Variants in SLC24A3 observed in about 807,000 individuals in gnomAD.
SLC24A3 encodes the protein sodium/potassium/calcium exchanger 3.
Under a neutral mutation model 75.8 loss-of-function variants are expected in SLC24A3, and 28 were observed. The observed-to-expected ratio is 0.37, with a 90% CI of 0.27 to 0.51. The LOEUF (loss-of-function observed/expected upper bound fraction) is 0.51. Among genes scored for constraint, SLC24A3 ranks in the 20% least tolerant of loss-of-function variants. The probability of loss-of-function intolerance (pLI) is 0.94; values close to 1 mark genes in which losing one functional copy is unlikely to be tolerated. For missense variants in SLC24A3, 663 were observed against 847.8 expected (o/e 0.78, Z 2.71); for synonymous variants, 372 against 334.1 (o/e 1.11, Z -1.24).
intron 2 of SLC24A3, among the ~76,000 whole-genome samples, chr20:19,343,939 A>G (rs1985332591): frequency 6.6e-6 from 1 of 152,226 alleles, no homozygotes; most frequent in Non-Finnish European, 1.5e-5. Context: ...TTCTAAAGCC[A>G]TCGGGTGATA....
intron 1 of SLC24A3, among the ~76,000 whole-genome samples, chr20:19,262,705 G>T (rs990241548): frequency 1.5e-4 from 23 of 152,146 alleles, no homozygotes; most frequent in African/African-American, 5.6e-4. Flanking sequence ...TGGTGGAAGG[G>T]ATCTTGAGAA....
intron 3 of SLC24A3, among the ~76,000 whole-genome samples, chr20:19,555,017 A>G (rs1009473931): frequency 2.2e-4 from 33 of 152,206 alleles, no homozygotes; most frequent in Non-Finnish European, 4.4e-5. Flanking sequence ...GATTAAGCAG[A>G]TAGGTTTCCT....
At chr20:19,309,877 T>C (rs1380109652) in intron 2 of SLC24A3, among the ~76,000 whole-genome samples, 1 of 152,128 alleles carries the variant, frequency 6.6e-6, no homozygotes, top group Admixed American at 6.5e-5. Context: ...GGGCTTCCAG[T>C]CTGTGCTCCA....
At chr20:19,581,984 G>C (rs2031224480) in intron 4 of SLC24A3, among the ~76,000 whole-genome samples, 1 of 152,214 alleles carries the variant, frequency 6.6e-6, no homozygotes, top group African/African-American at 2.4e-5. Context: ...TATAACAAGA[G>C]TGGGTGCCCC....
intron 2 of SLC24A3, among the ~76,000 whole-genome samples, chr20:19,507,013 T>A (rs1195045815): frequency 6.6e-6 from 1 of 152,238 alleles, no homozygotes; most frequent in Non-Finnish European, 1.5e-5. Context: ...CTTGACCTCG[T>A]TGAATGTAAG....
chr20:19,382,830 A>G (rs1316170393), intron 2 of SLC24A3, among the ~76,000 whole-genome samples: 1 of 152,200 alleles, frequency 6.6e-6, no homozygotes, highest in Admixed American at 6.5e-5. Context: ...GCCAGGATAG[A>G]TGATGGGGCT....
intron 1 of SLC24A3, chr20:19,213,604 C>T (rs1226307746): frequency 6.6e-6 from 1 of 152,320 alleles, no homozygotes; most frequent in Non-Finnish European, 1.5e-5. Context: ...AATTCTTCCT[C>T]AGAGGTCCCT....
Position 19,684,165 on chromosome 20 carries a change from C to T in SLC24A3, c.902-11C>T, listed in dbSNP as rs748158506. ...CCATGTTATTTTACCTTATGTTTTT[C>T]GTTTCCCTAGCAAATTTCCACCGCA... On this transcript the variant is annotated splice_polypyrimidine_tract_variant and intron_variant, in intron 10 of 16. Coordinates refer to ENST00000328041, the MANE Select transcript of SLC24A3 (RefSeq NM_020689.4). 8.1e-6 allele frequency: 13 copies of T among 1,609,688 alleles called. No individual in the cohort carries two copies. Among genetic ancestry groups the T allele is most frequent in the African/African-American group, 2.7e-5 (2 of 74,886 alleles).
At chr20:19,268,384 T>G (rs1356556781) in intron 1 of SLC24A3, among the ~76,000 whole-genome samples, 3 of 152,214 alleles carry the variant, frequency 2.0e-5, no homozygotes, top group Non-Finnish European at 2.9e-5. Flanking sequence ...GTTATGTAGC[T>G]CATCCTCCAG....
intron 2 of SLC24A3, among the ~76,000 whole-genome samples, chr20:19,381,059 T>G (rs1051467217): frequency 1.3e-5 from 2 of 152,234 alleles, no homozygotes; most frequent in Non-Finnish European, 2.9e-5. Flanking sequence ...GTGTCCTGCA[T>G]AGATGGTAGC....
chr20:19,358,168 T>A (rs762093861), intron 2 of SLC24A3, among the ~76,000 whole-genome samples: 21 of 152,208 alleles, frequency 1.4e-4, no homozygotes, highest in Non-Finnish European at 1.9e-4. Context: ...TTTAGTATTT[T>A]CCTGTCAAAA....
rs190251916 is a variant in SLC24A3, at chr20:19,490,938, T to C, written c.272-24550T>C. On this transcript the variant is annotated intron_variant, in intron 2 of 16. Coordinates refer to ENST00000328041, the MANE Select transcript of SLC24A3 (RefSeq NM_020689.4). ...TCATGGCAATCTGTGCCACTGCCAC[T>C]TTCTAATCTCTCATTGCTTCTCTGT... is the stretch of plus-strand genomic sequence containing the variant. 1.7e-3 allele frequency among the ~76,000 whole-genome samples: 257 copies of C among 152,348 alleles called. 2 individuals are homozygous for C. In the East Asian group the frequency reaches 0.028, roughly 16 times the overall value.
chr20:19,214,798 C>A (rs560217390), intron 1 of SLC24A3, among the ~76,000 whole-genome samples: 2 of 152,278 alleles, frequency 1.3e-5, no homozygotes, highest in Admixed American at 1.3e-4. Context: ...TTCCATAGCA[C>A]GGCCTTTTCC....
intron 3 of SLC24A3, among the ~76,000 whole-genome samples, chr20:19,538,031 A>G (rs934693911): frequency 6.6e-6 from 1 of 152,072 alleles, no homozygotes; most frequent in African/African-American, 2.4e-5. Flanking sequence ...GTATAATAAT[A>G]ATAAAATTTA....
At chr20:19,450,626 ACTT>A (rs1179602140) in intron 2 of SLC24A3, among the ~76,000 whole-genome samples, 18 of 152,202 alleles carry the variant, frequency 1.2e-4, no homozygotes, top group Non-Finnish European at 1.8e-4. Context: ...TTTTGTGCAC[ACTT>A]AAAAGGTGCC....
At chr20:19,489,415 T>A (rs974948459) in intron 2 of SLC24A3, among the ~76,000 whole-genome samples, 3 of 152,242 alleles carry the variant, frequency 2.0e-5, no homozygotes, top group African/African-American at 4.8e-5. Context: ...AGCACATGAC[T>A]CAAAAGTATA....
At chr20:19,349,982 C>T (rs759188467) in intron 2 of SLC24A3, among the ~76,000 whole-genome samples, 3 of 152,288 alleles carry the variant, frequency 2.0e-5, no homozygotes, top group South Asian at 2.1e-4. Flanking sequence ...TTGTAAATGG[C>T]GTGTCCAACC....
intron 2 of SLC24A3, among the ~76,000 whole-genome samples, chr20:19,338,658 T>C (rs6046004): frequency 1 from 151,862 of 152,360 alleles, 75,685 homozygotes; most frequent in Middle Eastern, 1. Context: ...TCAAATGCAA[T>C]GTGGAAATCT....
chr20:19,587,422 C>G (rs1212396974), intron 6 of SLC24A3, among the ~76,000 whole-genome samples: 5 of 152,226 alleles, frequency 3.3e-5, no homozygotes, highest in Non-Finnish European at 2.9e-5. Flanking sequence ...TCCCTTGACT[C>G]ACCCCAGAAG....
Sources: allele counts gnomAD v4.1 joint callset (sites outside exome capture counted in the v4.1 genomes callset), GRCh38; gene constraint gnomAD v4.1.1; transcripts MANE v1.5; gene names NCBI Gene and HGNC (gene_info 2026-07-23, HGNC 2026-07-21).